GPC5: variants seen among roughly 807,000 people sequenced by gnomAD.
The protein encoded by GPC5 is glypican 5.
Under a neutral mutation model 53.9 loss-of-function variants are expected in GPC5, and 47 were observed. The ratio of observed to expected loss-of-function variants is 0.87; its 90% confidence interval spans 0.69 to 1.11. GPC5 has a LOEUF of 1.11. Ranked by LOEUF, GPC5 falls within the 50% of genes most tolerant of loss-of-function variation. The pLI, the probability that GPC5 is intolerant of heterozygous loss-of-function variation, is 0.00. For missense variants in GPC5, 748 were observed against 713.1 expected, an observed-to-expected ratio of 1.05 and a Z score of -0.56; for synonymous variants, 286 against 263.3, an observed-to-expected ratio of 1.09 and a Z score of -0.84.
At chr13:91,635,966 T>C (rs185873602) in intron 2 of GPC5, among the ~76,000 whole-genome samples, 85 of 152,254 alleles carry the variant, frequency 5.6e-4, no homozygotes, top group Non-Finnish European at 9.6e-4. Context: ...AGTTTTATAG[T>C]TTTTTTCATT....
chr13:92,220,037 G>A (rs1323998471), intron 7 of GPC5, among the ~76,000 whole-genome samples: 1 of 152,160 alleles, frequency 6.6e-6, no homozygotes, highest in Non-Finnish European at 1.5e-5. Flanking sequence ...AACCTGGACA[G>A]CCTCCACTGG....
intron 2 of GPC5, among the ~76,000 whole-genome samples, chr13:91,452,465 C>T (rs1415912130): frequency 1.3e-5 from 2 of 152,108 alleles, no homozygotes; most frequent in Non-Finnish European, 2.9e-5. Flanking sequence ...ACAGTGCAAA[C>T]AATAACTGTT....
chr13:91,964,315 C>G (rs1273046005), intron 6 of GPC5, among the ~76,000 whole-genome samples: 1 of 152,152 alleles, frequency 6.6e-6, no homozygotes, highest in Non-Finnish European at 1.5e-5. Flanking sequence ...GGTGTGGGCT[C>G]CGTGGCCTGC....
intron 7 of GPC5, among the ~76,000 whole-genome samples, chr13:92,494,169 A>G (rs1300990716): frequency 6.6e-6 from 1 of 151,892 alleles, no homozygotes; most frequent in Non-Finnish European, 1.5e-5. Context: ...GGCTCACTGC[A>G]AGCTCCGCCT....
At chr13:92,725,892 G>T (rs773294869) in intron 7 of GPC5, among the ~76,000 whole-genome samples, 1 of 151,568 alleles carries the variant, frequency 6.6e-6, no homozygotes, top group African/African-American at 2.4e-5. Context: ...TCAAATACTG[G>T]TATATTAATG....
intron 6 of GPC5, among the ~76,000 whole-genome samples, chr13:91,926,048 C>CA (rs2039764101): frequency 6.6e-6 from 1 of 152,070 alleles, no homozygotes; most frequent in Non-Finnish European, 1.5e-5. Flanking sequence ...GCCATTGCCA[C>CA]AATGATTCTG....
At chr13:91,901,323 G>C (rs1036291587) in intron 5 of GPC5, among the ~76,000 whole-genome samples, 21 of 152,136 alleles carry the variant, frequency 1.4e-4, no homozygotes, top group African/African-American at 4.8e-4. Context: ...AACAATTGAA[G>C]TGAGATAGTG....
intron 7 of GPC5, among the ~76,000 whole-genome samples, chr13:92,268,415 A>G (rs1421048638): frequency 6.6e-6 from 1 of 151,926 alleles, no homozygotes; most frequent in African/African-American, 2.4e-5. Flanking sequence ...ATAGGATAGT[A>G]TCATACAGTT....
rs1263876625 is a variant in GPC5 at position 92,206,171 on chromosome 13, T to A, written c.1561+61182T>A. On this transcript the variant is annotated intron_variant, in intron 7 of 7. Coordinates refer to ENST00000377067, the MANE Select transcript of GPC5 (RefSeq NM_004466.6). ...GTTTTTTTTATTTTTTTTTTTATTT[T>A]TTTTTTTTTTTTGAGACAGAGTCTC... Among the ~76,000 whole-genome samples, 13 of 145,092 alleles carry A rather than the reference T, an allele frequency of 9.0e-5. No individual in the cohort carries two copies. In the East Asian group the frequency reaches 1.4e-3, roughly 15 times the overall value.
chr13:92,026,696 G>T (rs1306154457), intron 6 of GPC5, among the ~76,000 whole-genome samples: 2 of 151,816 alleles, frequency 1.3e-5, no homozygotes, highest in Admixed American at 1.3e-4. Flanking sequence ...AAAAGTCTTT[G>T]CTCTTATCAG....
At chr13:92,828,226 A>T (rs1877920334) in intron 7 of GPC5, among the ~76,000 whole-genome samples, 1 of 152,054 alleles carries the variant, frequency 6.6e-6, no homozygotes, top group South Asian at 2.1e-4. Flanking sequence ...AGATTACACA[A>T]AATAAAGAAG....
At chr13:92,435,200 C>T (rs1369167585) in intron 7 of GPC5, among the ~76,000 whole-genome samples, 2 of 152,262 alleles carry the variant, frequency 1.3e-5, no homozygotes, top group East Asian at 3.9e-4. Flanking sequence ...CAGGCATGAG[C>T]CACTGCACCC....
intron 7 of GPC5, among the ~76,000 whole-genome samples, chr13:92,374,348 T>G: frequency 6.6e-6 from 1 of 152,134 alleles, no homozygotes; most frequent in Admixed American, 6.6e-5. Flanking sequence ...AGACTCTGAT[T>G]TATAGTATAT....
chr13:92,732,758 A>C (rs2139300944), intron 7 of GPC5, among the ~76,000 whole-genome samples: 1 of 151,828 alleles, frequency 6.6e-6, no homozygotes, highest in South Asian at 2.1e-4. Flanking sequence ...CTACTAAAGA[A>C]TGATTTGATT....
intron 7 of GPC5, among the ~76,000 whole-genome samples, chr13:92,407,914 G>A (rs1387180009): frequency 6.6e-6 from 1 of 152,164 alleles, no homozygotes; most frequent in Non-Finnish European, 1.5e-5. Flanking sequence ...TTTTACGTGA[G>A]TAAAAGATTG....
chr13:92,712,552 C>T (rs750788198), intron 7 of GPC5, among the ~76,000 whole-genome samples: 1 of 151,978 alleles, frequency 6.6e-6, no homozygotes, highest in East Asian at 1.9e-4. Flanking sequence ...ACCAAAACCA[C>T]GATCCATAAA....
intron 7 of GPC5, among the ~76,000 whole-genome samples, chr13:92,148,182 A>G (rs1235930226): frequency 6.6e-6 from 1 of 152,092 alleles, no homozygotes; most frequent in Non-Finnish European, 1.5e-5. Flanking sequence ...AGTTGTGAGT[A>G]TTAATACTAA....
intron 7 of GPC5, among the ~76,000 whole-genome samples, chr13:92,360,039 TTGA>T (rs2043553558): frequency 6.6e-6 from 1 of 151,776 alleles, no homozygotes; most frequent in Non-Finnish European, 1.5e-5. Context: ...GTTTACTCTG[TTGA>T]TATTTCCTTT....
chr13:91,791,769 A>G (rs1594567707), intron 5 of GPC5, among the ~76,000 whole-genome samples: 2 of 151,928 alleles, frequency 1.3e-5, no homozygotes, highest in South Asian at 4.2e-4. Context: ...ATACATCTCA[A>G]AGTCCAGCAT....
Sources: allele counts gnomAD v4.1 joint callset (sites outside exome capture counted in the v4.1 genomes callset), GRCh38; gene constraint gnomAD v4.1.1; transcripts MANE v1.5; gene names NCBI Gene and HGNC (gene_info 2026-07-23, HGNC 2026-07-21).